The following GPN2 variants were observed in gnomAD, a reference collection of about 807,000 sequenced individuals.
GPN2 encodes ATP-binding domain 1 family member B.
GPN2 carries 27 observed loss-of-function variants against 30.1 expected under a neutral mutation model. The observed-to-expected ratio is 0.90, with a 90% CI of 0.66 to 1.24. The LOEUF (loss-of-function observed/expected upper bound fraction) is 1.24. Ranked by LOEUF, GPN2 falls within the 50% of genes most tolerant of loss-of-function variation. The pLI, the probability that GPN2 is intolerant of heterozygous loss-of-function variation, is 0.00. For missense variants in GPN2, 406 were observed against 405.4 expected (o/e 1.00, Z -0.01); for synonymous variants, 212 against 174.4 (o/e 1.22, Z -1.70).
At position 26,889,822 on chromosome 1, in the gene GPN2, A is replaced by C. The variant is rs763053813; in HGVS notation, c.275T>G (p.Leu92Arg). ...LYCMEYLEAN[L>R]DWLRAKLDPL... ...GTCGAGCTTGGCACGCAGCCAGTCCAGGTTGGCTTCCAGGTACTCCATGCA... is the reference window on the plus strand; with the variant it reads ...GTCGAGCTTGGCACGCAGCCAGTCCCGGTTGGCTTCCAGGTACTCCATGCA... The change falls in exon 1 of 5, where the codon CTG becomes CGG. Residue 92 changes from leucine (L) to arginine (R), a missense_variant. Physicochemically the swap from Leu to Arg is moderately radical, Grantham distance 102. Coordinates refer to ENST00000374135, the MANE Select transcript of GPN2 (RefSeq NM_018066.4). The C allele has an allele frequency of 1.2e-6, 2 of 1,613,694 alleles. No individual in the cohort carries two copies. Among genetic ancestry groups the C allele is most frequent in the Non-Finnish European group, 8.5e-7 (1 of 1,180,026 alleles).
intron 4 of GPN2, among the ~76,000 whole-genome samples, chr1:26,880,107 C>T (rs2081856985): frequency 6.6e-6 from 1 of 152,170 alleles, no homozygotes; most frequent in African/African-American, 2.4e-5. Flanking sequence ...TATGTTAGGA[C>T]ACCATGGCTG....
Position 26,886,037 on chromosome 1 carries a change from T to C in GPN2, c.665A>G (p.Asn222Ser), listed in dbSNP as rs890367684. Residue 222 changes from asparagine to serine, a missense_variant, in exon 3 of 5, where the codon AAT becomes AGT. Coordinates refer to ENST00000374135, the MANE Select transcript of GPN2 (RefSeq NM_018066.4). ...DPFFRHYRQL[N>S]EKLVQLIEDY... Reference sequence around the variant, plus strand: ...TTCGATGAGCTGCACTAGCTTCTCATTGAGCTGGCGGTAGTGGCGGAAGAA... The same window carrying C: ...TTCGATGAGCTGCACTAGCTTCTCACTGAGCTGGCGGTAGTGGCGGAAGAA... The C allele has an allele frequency of 5.0e-6, 8 of 1,613,654 alleles. No homozygotes were observed. In the Admixed American group the frequency reaches 5.0e-5, roughly 10 times the overall value.
At chr1:26,882,934 G>A (rs994006516) in intron 4 of GPN2, among the ~76,000 whole-genome samples, 10 of 152,136 alleles carry the variant, frequency 6.6e-5, no homozygotes, top group African/African-American at 2.2e-4. Flanking sequence ...CAGAGATCTG[G>A]GAAGCTAAGT....
chr1:26,889,012 G>A lies in GPN2; in HGVS notation c.525C>T (p.Asn175=). The A allele has an allele frequency of 5.0e-6, 8 of 1,614,236 alleles. No individual in the cohort carries two copies. The highest frequency in any genetic ancestry group is 6.8e-6 in the Non-Finnish European group (8 of 1,180,026). ...TMLHVELPHI[N]LLSKMDLIEH... Reference sequence around the variant, plus strand: ...CAATGAGGTCCATCTTGGAAAGGAGGTTGATGTGGGGCAGTTCCACGTGCA... The same window carrying A: ...CAATGAGGTCCATCTTGGAAAGGAGATTGATGTGGGGCAGTTCCACGTGCA... The change falls in exon 2 of 5, where the codon AAC becomes AAT. Residue 175 remains asparagine (N), a synonymous_variant. Transcript: ENST00000374135.
At chr1:26,886,436 C>T in intron 2 of GPN2, 1 of 474,732 alleles carries the variant, frequency 2.1e-6, no homozygotes. Flanking sequence ...TGGCTCATGC[C>T]TGTAATCCCA....
At chr1:26,889,224 A>G (rs1371338693) in intron 1 of GPN2, 99 bp from the exon 2 acceptor site, 31 of 879,476 alleles carry the variant, frequency 3.5e-5, no homozygotes, top group Non-Finnish European at 3.4e-5. Context: ...AGCTTTCCCC[A>G]TTAGTCTCCT....
At chr1:26,883,667 C>A (rs1205192249) in intron 4 of GPN2, among the ~76,000 whole-genome samples, 5 of 151,588 alleles carry the variant, frequency 3.3e-5, no homozygotes, top group Non-Finnish European at 5.9e-5. Flanking sequence ...CACACTAATA[C>A]CAGCTACTTG....
At chr1:26,881,921 T>C (rs2081866327) in intron 4 of GPN2, among the ~76,000 whole-genome samples, 1 of 151,296 alleles carries the variant, frequency 6.6e-6, no homozygotes, top group Non-Finnish European at 1.5e-5. Flanking sequence ...AAGAAATAAA[T>C]ATAAAAGTTG....
chr1:26,888,815 G>C, intron 2 of GPN2, 154 bp downstream of exon 2: 1 of 717,108 alleles, frequency 1.4e-6, no homozygotes, highest in Non-Finnish European at 2.5e-6. Context: ...CTAGCACAGA[G>C]TGGCACAAAA....
chr1:26,884,992 C>T (rs562738330), intron 3 of GPN2, among the ~76,000 whole-genome samples: 88 of 151,544 alleles, frequency 5.8e-4, no homozygotes, highest in African/African-American at 2.0e-3. Flanking sequence ...AAAAACAAAA[C>T]AAAACAAAAA....
chr1:26,886,827 GA>G lies in GPN2; in HGVS notation c.569-695del, dbSNP rs1168494227. Among the ~76,000 whole-genome samples the G allele has an allele frequency of 3.5e-5, 5 of 144,260 alleles. No homozygotes were observed. The South Asian group carries it at 6.6e-4, about 19-fold the overall frequency. The allele number at this position is 144,260 out of a possible 152,430, so 94.6% of individuals were successfully genotyped here. ...AGCAAGACTCCGTCTCAAAAAAAAA[GA>G]AAAAAAAATACAAAATTAGCCGGAC... On this transcript the variant is annotated intron_variant, in intron 2 of 4. Coordinates refer to ENST00000374135, the MANE Select transcript of GPN2 (RefSeq NM_018066.4).
intron 4 of GPN2, among the ~76,000 whole-genome samples, chr1:26,882,429 T>C (rs111242589): frequency 6.6e-6 from 1 of 152,128 alleles, no homozygotes; most frequent in Non-Finnish European, 1.5e-5. Context: ...TTGGCCTACA[T>C]TAACTGCAGG....
At position 26,886,118 on chromosome 1, in the gene GPN2, T is replaced by C. The variant is rs1490466605; in HGVS notation, c.584A>G (p.Tyr195Cys). ...HYGKLAFNLDYYTEVLDLSYL... is the reference protein window; with the variant it reads ...HYGKLAFNLDCYTEVLDLSYL... ...GGAGAGGTCCAGAACCTCTGTGTAGTAGTCCAGGTTGAAGGCTAAAGAGAG... is the reference window on the plus strand; with the variant it reads ...GGAGAGGTCCAGAACCTCTGTGTAGCAGTCCAGGTTGAAGGCTAAAGAGAG... Residue 195 changes from tyrosine to cysteine, a missense_variant, in exon 3 of 5, where the codon TAC becomes TGC. Coordinates refer to ENST00000374135, the MANE Select transcript of GPN2 (RefSeq NM_018066.4). 2 of 1,613,454 alleles carry C rather than the reference T, an allele frequency of 1.2e-6. No individual in the cohort carries two copies. Among genetic ancestry groups the C allele is most frequent in the Admixed American group, 1.7e-5 (1 of 59,974 alleles).
intron 2 of GPN2, among the ~76,000 whole-genome samples, chr1:26,888,074 G>A (rs2081900517): frequency 6.7e-6 from 1 of 148,738 alleles, no homozygotes; most frequent in African/African-American, 2.5e-5. Flanking sequence ...TGGTCAAGCT[G>A]GTCTCGAACT....
At chr1:26,885,842 G>A (rs2081887872) in intron 3 of GPN2, 131 bp downstream of exon 3, 2 of 695,400 alleles carry the variant, frequency 2.9e-6, no homozygotes, top group Non-Finnish European at 5.1e-6. Context: ...GCCTCCCAAA[G>A]TGCTAGGATT....
rs1300598752 is a variant in GPN2 at position 26,889,130 on chromosome 1, G to A, written c.412-5C>T. On this transcript the variant is annotated splice_polypyrimidine_tract_variant and splice_region_variant and intron_variant, in intron 1 of 4. Transcript: ENST00000374135. ...CACGAGGTGGACGGCAGTCAGCTGG[G>A]AGGGAATAGACAGGGTGAGAGTGGC... 1.2e-6 allele frequency: 2 copies of A among 1,612,652 alleles called. No homozygotes were observed. Among genetic ancestry groups the A allele is most frequent in the East Asian group, 2.2e-5 (1 of 44,884 alleles).
rs1243785108 is a variant in GPN2, at chr1:26,877,160, C to T, written c.*2517G>A. 6.6e-6 allele frequency: 1 copy of T among 152,256 alleles called. No homozygotes were observed. The highest frequency in any genetic ancestry group is 2.4e-5 in the African/African-American group (1 of 41,450). The allele number at this position is 152,256 out of a possible 1,614,324, so 9.4% of individuals were successfully genotyped here. On this transcript the variant is annotated 3_prime_UTR_variant, in exon 5 of 5. Coordinates refer to ENST00000374135, the MANE Select transcript of GPN2 (RefSeq NM_018066.4). ...GGCTTGCTCTATTGGTACTTCCTAC[C>T]TACTCTGTGGGGTGTTAATAGGGGT...
chr1:26,879,943 C>T (rs1037940666), intron 4 of GPN2, among the ~76,000 whole-genome samples, 194 bp from the exon 5 acceptor site: 1 of 152,218 alleles, frequency 6.6e-6, no homozygotes, highest in Admixed American at 6.5e-5. Context: ...GCCTCTTCCA[C>T]ACACTGCTGC....
At chr1:26,889,485 G>A (rs1321802383) in intron 1 of GPN2, among the ~76,000 whole-genome samples, 1 of 152,162 alleles carries the variant, frequency 6.6e-6, no homozygotes, top group Non-Finnish European at 1.5e-5. Flanking sequence ...TTACACGTGA[G>A]GAAACTGAGG....
Sources: gnomAD v4.1 joint callset for allele counts (sites outside exome capture counted in the v4.1 genomes callset) on GRCh38, gnomAD v4.1.1 for gene constraint, MANE v1.5 for transcripts, NCBI Gene and HGNC (gene_info 2026-07-23, HGNC 2026-07-21) for gene names.